The following HLCS variants were observed in gnomAD, a reference collection of about 807,000 sequenced individuals.
HLCS encodes the protein holocarboxylase synthetase.
A neutral mutation model predicts 75.0 loss-of-function variants in HLCS; 53 were observed. The observed-to-expected ratio is 0.71, with a 90% CI of 0.57 to 0.89. The LOEUF (loss-of-function observed/expected upper bound fraction) is 0.89. Among genes scored for constraint, HLCS ranks in the 40% least tolerant of loss-of-function variants. The pLI is 0.00. For missense variants in HLCS, 966 were observed against 1,074.0 expected (o/e 0.90, Z 1.41); for synonymous variants, 431 against 428.6 (o/e 1.01, Z -0.07).
intron 1 of HLCS, among the ~76,000 whole-genome samples, chr21:36,987,575 T>G (rs920545095): frequency 7.9e-5 from 12 of 152,176 alleles, no homozygotes; most frequent in African/African-American, 2.9e-4. Context: ...ATCACACCAC[T>G]GCACTCCAGC....
At chr21:36,934,833 C>T (rs2066806331) in intron 4 of HLCS, among the ~76,000 whole-genome samples, 2 of 152,164 alleles carry the variant, frequency 1.3e-5, no homozygotes, top group South Asian at 4.2e-4. Flanking sequence ...AGTAAGGTAT[C>T]ACAGAGACAC....
chr21:36,845,968 T>C (rs972419951), intron 6 of HLCS, among the ~76,000 whole-genome samples: 1 of 152,200 alleles, frequency 6.6e-6, no homozygotes, highest in Non-Finnish European at 1.5e-5. Flanking sequence ...AATTCTGCAC[T>C]TCTTAGCTGA....
intron 5 of HLCS, among the ~76,000 whole-genome samples, chr21:36,928,618 G>A (rs746221936): frequency 7.2e-5 from 11 of 152,198 alleles, no homozygotes; most frequent in South Asian, 2.1e-4. Flanking sequence ...CAACATACAC[G>A]TACTCATTCC....
Position 36,936,605 on chromosome 21 carries a change from C to T in HLCS, c.1281G>A (p.Val427=). 6.2e-7 allele frequency: 1 copy of T among 1,614,252 alleles called. No homozygotes were observed. Among genetic ancestry groups the T allele is most frequent in the Non-Finnish European group, 8.5e-7 (1 of 1,180,046 alleles). ...AGCCACTGCTCAAGACGCTGAGCTT[C>T]ACCTCGCTCTGGTCAGCCTTGGAGA... ...LVFSKADQSE[V]KLSVLSSGCR... The change falls in exon 4 of 11, where the codon GTG becomes GTA. Residue 427 remains valine (V), a synonymous_variant. Transcript: ENST00000674895.
At position 36,920,779 on chromosome 21, in the gene HLCS, C is replaced by CA. The variant is rs1483404737; in HGVS notation, c.1620+9471dup. 3.9e-5 allele frequency among the ~76,000 whole-genome samples: 6 copies of CA among 152,272 alleles called. No individual in the cohort carries two copies. In the East Asian group the frequency reaches 1.2e-3, roughly 29 times the overall value. ...GAAAAAATACACAGAGCAAAACCTTCAAAATTATAGACCTTTGACCTTTAA... is the reference window on the plus strand; with the variant it reads ...GAAAAAATACACAGAGCAAAACCTTCAAAAATTATAGACCTTTGACCTTTAA... On this transcript the variant is annotated intron_variant, in intron 5 of 10. Coordinates refer to ENST00000674895, the MANE Select transcript of HLCS (RefSeq NM_001352514.2).
intron 6 of HLCS, among the ~76,000 whole-genome samples, chr21:36,888,445 A>AAT (rs71198839): frequency 1.0e-3 from 24 of 24,100 alleles, no homozygotes; most frequent in South Asian, 2.7e-3. Context: ...AAAAAAAAAA[A>AAT]ATATATATAT....
intron 7 of HLCS, 27 bp from the exon 8 acceptor site, chr21:36,765,199 A>G (rs1601141612): frequency 1.9e-6 from 3 of 1,613,598 alleles, no homozygotes; most frequent in East Asian, 2.2e-5. Flanking sequence ...AGTGGGAAAC[A>G]TGCTACCTTG....
chr21:36,924,221 C>A (rs559202512), intron 5 of HLCS, among the ~76,000 whole-genome samples: 2 of 152,292 alleles, frequency 1.3e-5, no homozygotes, highest in South Asian at 4.2e-4. Context: ...TAAAAAATGG[C>A]AGGCAAAGAT....
chr21:36,910,025 T>A (rs2065632097), intron 5 of HLCS, among the ~76,000 whole-genome samples: 1 of 152,200 alleles, frequency 6.6e-6, no homozygotes, highest in Admixed American at 6.5e-5. Context: ...AAATGAATCA[T>A]CAAAGACATG....
chr21:36,896,133 T>C (rs2065001506), intron 6 of HLCS, among the ~76,000 whole-genome samples: 1 of 152,246 alleles, frequency 6.6e-6, no homozygotes, highest in Non-Finnish European at 1.5e-5. Flanking sequence ...AAGGATCACT[T>C]GAACCCAGGA....
At chr21:36,873,505 G>C (rs114650253) in intron 6 of HLCS, among the ~76,000 whole-genome samples, 2 of 152,212 alleles carry the variant, frequency 1.3e-5, no homozygotes, top group African/African-American at 4.8e-5. Flanking sequence ...CTGAGTTGTA[G>C]AAGTTCTTTG....
intron 6 of HLCS, among the ~76,000 whole-genome samples, chr21:36,862,035 A>G (rs1166995853): frequency 6.6e-6 from 1 of 152,198 alleles, no homozygotes; most frequent in Non-Finnish European, 1.5e-5. Context: ...AAATGAAATC[A>G]CACAACATGT....
chr21:36,981,569 T>G (rs565060691), intron 1 of HLCS, among the ~76,000 whole-genome samples: 19 of 152,094 alleles, frequency 1.2e-4, no homozygotes, highest in African/African-American at 4.6e-4. Context: ...CCAGATAATT[T>G]TTGTATTTTT....
intron 6 of HLCS, among the ~76,000 whole-genome samples, chr21:36,852,793 C>T (rs531089572): frequency 6.6e-6 from 1 of 152,200 alleles, no homozygotes; most frequent in South Asian, 2.1e-4. Context: ...ATGCAACCTG[C>T]CTGAAACCAT....
At chr21:36,959,053 G>A (rs1464969075) in intron 2 of HLCS, among the ~76,000 whole-genome samples, 1 of 152,170 alleles carries the variant, frequency 6.6e-6, no homozygotes, top group East Asian at 1.9e-4. Context: ...TGAGTTGGCA[G>A]GGCAGGAGCC....
intron 1 of HLCS, among the ~76,000 whole-genome samples, chr21:36,979,130 G>A (rs2069030449): frequency 6.6e-6 from 1 of 151,954 alleles, no homozygotes; most frequent in Non-Finnish European, 1.5e-5. Context: ...AAATTAGCCG[G>A]GCATGATGGC....
intron 6 of HLCS, among the ~76,000 whole-genome samples, chr21:36,770,608 G>A (rs1318546989): frequency 6.6e-6 from 1 of 150,584 alleles, no homozygotes; most frequent in Non-Finnish European, 1.5e-5. Context: ...TTGAGATGGG[G>A]TCTTATTCTG....
intron 6 of HLCS, among the ~76,000 whole-genome samples, chr21:36,871,296 AG>A (rs1384258973): frequency 5.3e-5 from 8 of 152,212 alleles, no homozygotes; most frequent in Admixed American, 5.2e-4. Context: ...TTTGGTACTT[AG>A]AGTACCCCAA....
chr21:36,842,372 G>A lies in HLCS; in HGVS notation c.1892+54488C>T, dbSNP rs967090689. Among the ~76,000 whole-genome samples, 164 of 152,148 alleles carry A rather than the reference G, an allele frequency of 1.1e-3. 1 individual carries two copies. The highest frequency in any genetic ancestry group is 3.7e-3 in the African/African-American group (154 of 41,420). On this transcript the variant is annotated intron_variant, in intron 6 of 10. Transcript: ENST00000674895. This position sits in a 1 kb window ranked among gnomAD's most constrained non-coding sequence, Gnocchi z 4.2. ...GGCTACATGTGAGAGAGTTTAGGCC[G>A]TAAAAATTCAAATGCTGCACCCTCA...
Sources: allele counts gnomAD v4.1 joint callset (sites outside exome capture counted in the v4.1 genomes callset), GRCh38; gene constraint gnomAD v4.1.1; non-coding constraint Gnocchi (gnomAD v3.1); transcripts MANE v1.5; gene names NCBI Gene and HGNC (gene_info 2026-07-23, HGNC 2026-07-21).